The following USP4 variants were observed in gnomAD, a reference collection of about 807,000 sequenced individuals.
The protein encoded by USP4 is ubiquitin carboxyl-terminal hydrolase 4.
Under a neutral mutation model 118.2 loss-of-function variants are expected in USP4, and 72 were observed. The observed-to-expected ratio is 0.61, with a 90% CI of 0.50 to 0.74. The LOEUF is 0.74. Ranked by LOEUF, USP4 falls within the 30% of genes least tolerant of loss-of-function variation. The probability of loss-of-function intolerance (pLI) is 0.00; values close to 1 mark genes in which losing one functional copy is unlikely to be tolerated. For missense variants in USP4, 1,037 were observed against 1,185.7 expected (o/e 0.87, Z 1.84); for synonymous variants, 415 against 440.4 (o/e 0.94, Z 0.72).
intron 7 of USP4, among the ~76,000 whole-genome samples, chr3:49,311,291 G>C (rs1302593611): frequency 1.3e-5 from 2 of 152,050 alleles, no homozygotes; most frequent in Non-Finnish European, 2.9e-5. Flanking sequence ...CTGTGATGTA[G>C]GCTGTGGGGA....
intron 20 of USP4, among the ~76,000 whole-genome samples, chr3:49,280,119 C>T (rs940368634): frequency 6.6e-6 from 1 of 151,958 alleles, no homozygotes; most frequent in Non-Finnish European, 1.5e-5. Context: ...AAAAATTAGC[C>T]AGGTGTGGTG....
chr3:49,319,917 TTTTG>T (rs1158316496), intron 6 of USP4, among the ~76,000 whole-genome samples: 2 of 151,582 alleles, frequency 1.3e-5, no homozygotes, highest in East Asian at 3.9e-4. Flanking sequence ...CCCAGCCTTG[TTTTG>T]TTTTCTTGTG....
Position 49,335,557 on chromosome 3 carries a change from C to T in USP4, c.141G>A (p.Lys47=). Residue 47 remains lysine, a synonymous_variant, in exon 2 of 22, where the codon AAG becomes AAA. Coordinates refer to ENST00000265560, the MANE Select transcript of USP4 (RefSeq NM_003363.4). ...TGTCCCAGCTGTCAAAGCCCACATA[C>T]TTCTTCCACTGCTTGAACCACCGGC... ...IDSRWFKQWK[K]YVGFDSWDMY... is the part of the protein sequence containing the mutation. The T allele has an allele frequency of 3.1e-6, 5 of 1,614,192 alleles. No homozygotes were observed. The highest frequency in any genetic ancestry group is 4.2e-6 in the Non-Finnish European group (5 of 1,180,036).
intron 2 of USP4, among the ~76,000 whole-genome samples, chr3:49,332,110 T>C (rs77618145): frequency 0.024 from 3,687 of 151,518 alleles, 161 homozygotes; most frequent in African/African-American, 0.085. Context: ...CCGTCTTTAC[T>C]AAAAATACAA....
chr3:49,295,701 TGCGCGCGC>T (rs754642053), intron 13 of USP4, among the ~76,000 whole-genome samples: 1 of 146,070 alleles, frequency 6.8e-6, no homozygotes, highest in African/African-American at 2.7e-5. Context: ...TATGCACGTG[TGCGCGCGC>T]GCGCGCACAC....
chr3:49,323,996 T>G (rs762355267), intron 6 of USP4, among the ~76,000 whole-genome samples: 2 of 152,004 alleles, frequency 1.3e-5, no homozygotes, highest in East Asian at 1.9e-4. Flanking sequence ...CTATCACTTT[T>G]TTTTTGTTTT....
intron 16 of USP4, among the ~76,000 whole-genome samples, chr3:49,285,700 G>C (rs538913426): frequency 7.7e-4 from 118 of 152,262 alleles, no homozygotes; most frequent in African/African-American, 2.7e-3. Flanking sequence ...TGTCGGTGAG[G>C]CTACAAAATC....
At chr3:49,292,385 C>A (rs2047160574) in intron 15 of USP4, 125 bp downstream of exon 15, 4 of 490,618 alleles carry the variant, frequency 8.2e-6, no homozygotes, top group Non-Finnish European at 1.4e-5. Flanking sequence ...CCTAACTCTG[C>A]TGCTGTAGGC....
chr3:49,291,165 T>C (rs546349757), intron 15 of USP4, among the ~76,000 whole-genome samples: 4 of 151,204 alleles, frequency 2.6e-5, no homozygotes, highest in Admixed American at 2.6e-4. Context: ...GGGGTTTCAC[T>C]GTGTTAGCCA....
chr3:49,288,385 TG>T (rs2047121747), intron 15 of USP4, among the ~76,000 whole-genome samples: 1 of 152,204 alleles, frequency 6.6e-6, no homozygotes, highest in Non-Finnish European at 1.5e-5. Flanking sequence ...TGCCATGGAC[TG>T]TATTTCACAG....
At chr3:49,286,406 G>T in intron 15 of USP4, 81 bp from the exon 16 acceptor site, 1 of 1,360,902 alleles carries the variant, frequency 7.3e-7, no homozygotes, top group African/African-American at 1.5e-5. Context: ...CATAACTATG[G>T]TGTTTCCTTC....
rs573270265 is a variant in USP4 at position 49,278,151 on chromosome 3, T to G, written c.*142A>C. 3 of 945,230 alleles carry G rather than the reference T, an allele frequency of 3.2e-6. No individual in the cohort carries two copies. In the East Asian group the frequency reaches 8.6e-5, roughly 27 times the overall value. 58.6% of individuals were successfully genotyped at this position (945,230 alleles called of 1,614,324 possible). The stretch of plus-strand genomic sequence containing the variant: ...CTAGGTAAACGGTCTTCTTTTTTTT[T>G]TTTTGTTTCCTTCTGCTCATAAAAG... On this transcript the variant is annotated 3_prime_UTR_variant, in exon 22 of 22. Coordinates refer to ENST00000265560, the MANE Select transcript of USP4 (RefSeq NM_003363.4).
intron 8 of USP4, 100 bp from the exon 9 acceptor site, chr3:49,305,988 A>C (rs1227883958): frequency 2.5e-6 from 3 of 1,198,294 alleles, no homozygotes; most frequent in Non-Finnish European, 3.4e-6. Flanking sequence ...CAACGCCAAC[A>C]AAATGAGGCA....
In USP4 at chr3:49,311,599, G is replaced by A; in HGVS notation, c.751C>T (p.Pro251Ser). Residue 251 changes from proline to serine, a missense_variant, in exon 7 of 22, where the codon CCC becomes TCC. Transcript: ENST00000265560. ...AGAGAGGCAGACACTGAGGAATAGG[G>A]ACTTGCTGATGATTTTGGAGAGGTA... is the stretch of plus-strand genomic sequence containing the variant. ...FTTSPKSSAS[P>S]YSSVSASLIA... 3 of 1,614,036 alleles carry A rather than the reference G, an allele frequency of 1.9e-6. No homozygotes were observed. Among genetic ancestry groups the A allele is most frequent in the Non-Finnish European group, 2.5e-6 (3 of 1,179,956 alleles).
intron 16 of USP4, 58 bp downstream of exon 16, chr3:49,286,040 T>G: frequency 1.3e-6 from 2 of 1,544,156 alleles, no homozygotes; most frequent in South Asian, 2.3e-5. Context: ...GTGTAAGGAT[T>G]TTCAAACAGA....
chr3:49,324,422 G>A (rs997375148), intron 6 of USP4, among the ~76,000 whole-genome samples: 2 of 152,160 alleles, frequency 1.3e-5, no homozygotes, highest in African/African-American at 2.4e-5. Context: ...TCCTGGTAGA[G>A]CAGCAACCTT....
Position 49,327,829 on chromosome 3 carries a change from A to T in USP4, c.230-13T>A. ...TGACTCTCAGGATCTAAAAAAGGAA[A>T]AGAGCACATAAGTCACTGCTCTTTA... On this transcript the variant is annotated splice_polypyrimidine_tract_variant and intron_variant, in intron 2 of 21. Transcript: ENST00000265560. 1.9e-6 allele frequency: 3 copies of T among 1,612,124 alleles called. No homozygotes were observed. The highest frequency in any genetic ancestry group is 1.7e-6 in the Non-Finnish European group (2 of 1,178,332).
At chr3:49,321,018 G>A (rs1320620735) in intron 6 of USP4, among the ~76,000 whole-genome samples, 1 of 152,170 alleles carries the variant, frequency 6.6e-6, no homozygotes, top group Non-Finnish European at 1.5e-5. Flanking sequence ...GAGGTTTGAT[G>A]TATGATATCT....
chr3:49,314,985 T>C (rs527481182), intron 6 of USP4, among the ~76,000 whole-genome samples: 2 of 152,264 alleles, frequency 1.3e-5, no homozygotes, highest in South Asian at 4.1e-4. Context: ...TTTTATTTGA[T>C]GTTTAAAATG....
Sources: allele counts gnomAD v4.1 joint callset (sites outside exome capture counted in the v4.1 genomes callset), GRCh38; gene constraint gnomAD v4.1.1; transcripts MANE v1.5; gene names NCBI Gene and HGNC (gene_info 2026-07-23, HGNC 2026-07-21).